Variants in DCC observed in about 807,000 individuals in gnomAD.
DCC encodes the protein netrin receptor DCC.
DCC carries 58 observed loss-of-function variants against 172.5 expected under a neutral mutation model. That is an observed-to-expected ratio of 0.34 (90% confidence interval 0.27 to 0.42). The LOEUF is 0.42. Among genes scored for constraint, DCC ranks in the 10% least tolerant of loss-of-function variants. The pLI, the probability that DCC is intolerant of heterozygous loss-of-function variation, is 1.00. For synonymous variants in DCC, 709 were observed against 644.5 expected, an observed-to-expected ratio of 1.10 and a Z score of -1.52; for missense variants, 1,740 against 1,791.0, an observed-to-expected ratio of 0.97 and a Z score of 0.51.
chr18:53,183,966 C>A (rs73960216), intron 9 of DCC, among the ~76,000 whole-genome samples: 3 of 147,758 alleles, frequency 2.0e-5, no homozygotes, highest in African/African-American at 7.5e-5. Context: ...TATGATAACA[C>A]GTGGGCAGCC....
intron 7 of DCC, among the ~76,000 whole-genome samples, chr18:53,131,018 C>T (rs2043643506): frequency 6.6e-6 from 1 of 151,978 alleles, no homozygotes; most frequent in Non-Finnish European, 1.5e-5. Flanking sequence ...AAGAGTTAAG[C>T]CTAATGGGGC....
At chr18:52,485,413 G>T (rs2030170412) in intron 1 of DCC, among the ~76,000 whole-genome samples, 1 of 152,106 alleles carries the variant, frequency 6.6e-6, no homozygotes, top group South Asian at 2.1e-4. Flanking sequence ...TCGCCGGAGA[G>T]AATTTTAGGA....
At chr18:53,301,877 T>C (rs2057145951) in intron 12 of DCC, among the ~76,000 whole-genome samples, 1 of 152,200 alleles carries the variant, frequency 6.6e-6, no homozygotes, top group Non-Finnish European at 1.5e-5. Flanking sequence ...TTCAGTCTCA[T>C]GAATATACTG....
chr18:52,363,857 A>G (rs1295667975), intron 1 of DCC, among the ~76,000 whole-genome samples: 2 of 152,166 alleles, frequency 1.3e-5, no homozygotes, highest in Non-Finnish European at 2.9e-5. Context: ...CTTCTAAGAT[A>G]TCAACATTGG....
intron 9 of DCC, among the ~76,000 whole-genome samples, chr18:53,198,451 C>T (rs191420045): frequency 2.0e-5 from 3 of 151,552 alleles, no homozygotes; most frequent in African/African-American, 7.3e-5. Flanking sequence ...CTCTCTCTCT[C>T]TCTCACACAC....
At chr18:52,835,400 AT>A (rs2038687156) in intron 2 of DCC, among the ~76,000 whole-genome samples, 1 of 152,194 alleles carries the variant, frequency 6.6e-6, no homozygotes. Context: ...TAAAGCATGG[AT>A]TTTAAATAGG....
intron 7 of DCC, among the ~76,000 whole-genome samples, chr18:53,142,462 C>T (rs1453669902): frequency 1.3e-5 from 2 of 152,138 alleles, no homozygotes; most frequent in African/African-American, 2.4e-5. Context: ...ACAAATGATG[C>T]ACTCCTAATA....
chr18:53,089,580 A>G (rs920544498), intron 7 of DCC, among the ~76,000 whole-genome samples: 3 of 102,970 alleles, frequency 2.9e-5, no homozygotes, highest in Admixed American at 2.5e-4. Flanking sequence ...CCTAACTAAA[A>G]AAAAAACCAA....
intron 15 of DCC, among the ~76,000 whole-genome samples, chr18:53,357,803 G>A (rs1048990958): frequency 4.6e-5 from 7 of 152,104 alleles, no homozygotes; most frequent in Non-Finnish European, 7.4e-5. Flanking sequence ...TAGTGAACAC[G>A]GACTTCAGCT....
intron 7 of DCC, among the ~76,000 whole-genome samples, chr18:53,084,545 A>C (rs2042852162): frequency 6.6e-6 from 1 of 152,186 alleles, no homozygotes; most frequent in African/African-American, 2.4e-5. Flanking sequence ...TACCTCAGCC[A>C]GTTGCTCCTC....
chr18:53,281,867 A>T (rs1427565954), intron 12 of DCC, among the ~76,000 whole-genome samples: 1 of 151,302 alleles, frequency 6.6e-6, no homozygotes, highest in Non-Finnish European at 1.5e-5. Context: ...TATACATCCG[A>T]TTATTACACA....
At chr18:53,186,827 T>C (rs907088245) in intron 9 of DCC, among the ~76,000 whole-genome samples, 24 of 152,136 alleles carry the variant, frequency 1.6e-4, no homozygotes, top group Non-Finnish European at 1.3e-4. Flanking sequence ...AGGTGTGGTG[T>C]CTAGTGAGGG....
At chr18:52,652,636 A>G (rs1308072574) in intron 1 of DCC, among the ~76,000 whole-genome samples, 2 of 151,642 alleles carry the variant, frequency 1.3e-5, no homozygotes, top group Non-Finnish European at 2.9e-5. Flanking sequence ...GGCTATGGCT[A>G]TCTTGTTCCT....
intron 9 of DCC, among the ~76,000 whole-genome samples, chr18:53,179,674 A>G (rs2055165610): frequency 6.6e-6 from 1 of 152,196 alleles, no homozygotes; most frequent in Non-Finnish European, 1.5e-5. Flanking sequence ...TTTTTCACAA[A>G]GTAGAGCAGC....
rs2045399681 is a variant in DCC, at chr18:53,450,652, C to T, written c.3382C>T (p.Gln1128Ter). Reference protein sequence around the residue: ...AVICTRRSSAQQRKKRATHSA... With the variant: ...AVICTRRSSA ...GATTTGCACCCGACGCTCTTCAGCC[C>T]AGCAGAGAAAGTAGGTAACAGCTGG... Residue 1128 changes from glutamine to a stop codon, truncating the protein, a stop_gained, in exon 23 of 29, where the codon CAG (glutamine) becomes TAG (stop). Coordinates refer to ENST00000442544, the MANE Select transcript of DCC (RefSeq NM_005215.4). LOFTEE classifies it high-confidence loss of function. 1 of 1,613,310 alleles carries T rather than the reference C, an allele frequency of 6.2e-7. No individual in the cohort carries two copies. The highest frequency in any genetic ancestry group is 1.3e-5 in the African/African-American group (1 of 74,872).
chr18:52,854,993 C>T (rs1431866572), intron 2 of DCC, among the ~76,000 whole-genome samples: 2 of 152,142 alleles, frequency 1.3e-5, no homozygotes, highest in African/African-American at 4.8e-5. Flanking sequence ...GTCTAAGCAG[C>T]CTCTACACTC....
At chr18:52,852,914 C>T (rs2038998675) in intron 2 of DCC, among the ~76,000 whole-genome samples, 1 of 152,056 alleles carries the variant, frequency 6.6e-6, no homozygotes, top group Non-Finnish European at 1.5e-5. Context: ...TTAGTGGTTC[C>T]AGCTAATAAG....
chr18:52,637,328 T>G (rs935718565), intron 1 of DCC, among the ~76,000 whole-genome samples: 1 of 152,016 alleles, frequency 6.6e-6, no homozygotes, highest in African/African-American at 2.4e-5. Context: ...AAATTCCTGA[T>G]TGACAGAGAA....
chr18:52,443,901 A>G (rs573415594), intron 1 of DCC, among the ~76,000 whole-genome samples: 1 of 152,318 alleles, frequency 6.6e-6, no homozygotes, highest in South Asian at 2.1e-4. Flanking sequence ...AGTTCTTGAA[A>G]TAGCTCAGGT....
Sources: allele counts gnomAD v4.1 joint callset (sites outside exome capture counted in the v4.1 genomes callset), GRCh38; gene constraint gnomAD v4.1.1; transcripts MANE v1.5; gene names NCBI Gene and HGNC (gene_info 2026-07-23, HGNC 2026-07-21).